The following NELFA variants were observed in gnomAD, a reference collection of about 807,000 sequenced individuals.
NELFA encodes negative elongation factor complex member A.
In NELFA, 35 loss-of-function variants were observed where a neutral mutation model predicts 51.8. That is an observed-to-expected ratio of 0.68 (90% CI 0.52 to 0.90). The LOEUF (loss-of-function observed/expected upper bound fraction) is 0.90. Ranked by LOEUF, NELFA falls within the 40% of genes least tolerant of loss-of-function variation. The pLI is 0.00. For synonymous variants in NELFA, 417 were observed against 338.4 expected (o/e 1.23, Z -2.55); for missense variants, 658 against 746.4 (o/e 0.88, Z 1.38).
rs773192696 is a variant in NELFA at position 1,983,687 on chromosome 4, C to T, written c.1311G>A (p.Gln437=). Residue 437 remains glutamine (Q), a synonymous_variant, in exon 10 of 11, where the codon CAG becomes CAA. Transcript: ENST00000382882. ...TGAACATCTCCTGGGCAGCGAACAT[C>T]TGCTCTCTCTACAGCGGGGAGAGGG... ...PKKNLSLTRE[Q]MFAAQEMFKT... is the part of the protein sequence containing the mutation. 2.5e-6 allele frequency: 4 copies of T among 1,614,018 alleles called. No homozygotes were observed. The highest frequency in any genetic ancestry group is 1.1e-5 in the South Asian group (1 of 91,088).
intron 1 of NELFA, chr4:2,003,805 T>C (rs1728637109): frequency 6.7e-6 from 1 of 149,974 alleles, no homozygotes; most frequent in African/African-American, 2.4e-5. Context: ...CGTATACCTA[T>C]GTAACAAATC....
chr4:1,989,616 C>T lies in NELFA; in HGVS notation c.544+92G>A. Reference sequence around the variant, plus strand: ...CCACCATGCCTGGCCCAGAACGCCACCTTGAAGGGGCAGTCTTGGTACCTT... The same window carrying T: ...CCACCATGCCTGGCCCAGAACGCCATCTTGAAGGGGCAGTCTTGGTACCTT... On this transcript the variant is annotated intron_variant, in intron 3 of 10. Coordinates refer to ENST00000382882, the MANE Select transcript of NELFA (RefSeq NM_005663.5). This position sits in a 1 kb window ranked among gnomAD's most constrained non-coding sequence, Gnocchi z 4.8. 2 of 1,414,882 alleles carry T rather than the reference C, an allele frequency of 1.4e-6. No homozygotes were observed. Among genetic ancestry groups the T allele is most frequent in the Non-Finnish European group, 1.9e-6 (2 of 1,047,908 alleles). The allele number at this position is 1,414,882 out of a possible 1,614,324, so 87.6% of individuals were successfully genotyped here.
chr4:1,984,967 G>A, intron 7 of NELFA, 48 bp from the exon 8 acceptor site: 1 of 1,402,280 alleles, frequency 7.1e-7, no homozygotes, highest in Non-Finnish European at 9.8e-7. Context: ...CATGCTTCCG[G>A]CATGTGCTAA....
At position 1,982,751 on chromosome 4, in the gene NELFA, T is replaced by TAAAACTA. The variant is rs1727922242; in HGVS notation, c.*567_*568insTAGTTTT. The TAAAACTA allele has an allele frequency of 6.6e-6, 1 of 152,412 alleles. No individual in the cohort carries two copies. 9.4% of individuals were successfully genotyped at this position (152,412 alleles called of 1,614,324 possible). A position where few individuals can be genotyped will look rare whatever the true frequency, so the allele number is the denominator to read the frequency against. ...CTTTAGAAAAGCTCGACTTTAATGG[T>TAAAACTA]TCAGATAGTTTTACAATGAAAATAG... is the stretch of plus-strand genomic sequence containing the variant. On this transcript the variant is annotated 3_prime_UTR_variant, in exon 11 of 11. Transcript: ENST00000382882.
chr4:1,987,904 G>C lies in NELFA; in HGVS notation c.634+14C>G, dbSNP rs778298707. 3 of 1,594,730 alleles carry C rather than the reference G, an allele frequency of 1.9e-6. No homozygotes were observed. The highest frequency in any genetic ancestry group is 1.7e-6 in the Non-Finnish European group (2 of 1,171,564). On this transcript the variant is annotated intron_variant, in intron 4 of 10. Transcript: ENST00000382882. Reference sequence around the variant, plus strand: ...CCAAAAGCAAGGCTCACGGCACCAGGGTGGGGGCCTTACTGGTGGTGTCCA... The same window carrying C: ...CCAAAAGCAAGGCTCACGGCACCAGCGTGGGGGCCTTACTGGTGGTGTCCA...
Position 1,983,618 on chromosome 4 carries a change from C to T in NELFA, c.1380G>A (p.Leu460=), listed in dbSNP as rs762789080. Residue 460 remains leucine (L), a synonymous_variant, in exon 10 of 11, where the codon CTG becomes CTA. Transcript: ENST00000382882. The stretch of plus-strand genomic sequence containing the variant: ...TACCTCGGGAGCCGGCCATGAAGCC[C>T]AGGATGAGGGCCTTCTCGGGCCGCG... ...KVTRPEKALI[L]GFMAGSRENP... is the part of the protein sequence containing the mutation. The T allele has an allele frequency of 1.2e-5, 19 of 1,613,996 alleles. No homozygotes were observed. The highest frequency in any genetic ancestry group is 1.4e-5 in the Non-Finnish European group (16 of 1,180,022).
At chr4:2,008,610 G>C in intron 1 of NELFA, 140 bp downstream of exon 1, 1 of 957,860 alleles carries the variant, frequency 1.0e-6, no homozygotes, top group South Asian at 1.6e-5. Flanking sequence ...GGGGGCGTGA[G>C]GGCGGGCCGG....
chr4:1,991,732 T>C lies in NELFA; in HGVS notation c.211-17A>G. On this transcript the variant is annotated splice_polypyrimidine_tract_variant and intron_variant, in intron 1 of 10. Coordinates refer to ENST00000382882, the MANE Select transcript of NELFA (RefSeq NM_005663.5). ...GCCCTTCATCTGCAAAATAGGATGC[T>C]GCCGGCGCCACCATGCCCCTGCCCA... 1 of 1,572,186 alleles carries C rather than the reference T, an allele frequency of 6.4e-7. No individual in the cohort carries two copies. The highest frequency in any genetic ancestry group is 8.6e-7 in the Non-Finnish European group (1 of 1,160,140).
intron 2 of NELFA, among the ~76,000 whole-genome samples, chr4:1,990,780 T>C (rs1728248283): frequency 1.3e-5 from 2 of 152,198 alleles, no homozygotes; most frequent in South Asian, 2.1e-4. Context: ...CATCAAGACA[T>C]GTTCTTCAAA....
At position 1,984,833 on chromosome 4, in the gene NELFA, G is replaced by T; in HGVS notation, c.1011C>A (p.Tyr337Ter). The T allele has an allele frequency of 6.4e-7, 1 of 1,570,232 alleles. No homozygotes were observed. The highest frequency in any genetic ancestry group is 2.3e-5 in the East Asian group (1 of 42,670). Reference sequence around the variant, plus strand: ...CTGGGGGCGTCTCGGAGCTGGGGATGTAGGAGGAGGCGGGAACCACGCTGG... The same window carrying T: ...CTGGGGGCGTCTCGGAGCTGGGGATTTAGGAGGAGGCGGGAACCACGCTGG... ...STPSVVPASS[Y>*]IPSSETPPAP... Residue 337 changes from tyrosine (Y) to a stop codon, truncating the protein, a stop_gained, in exon 8 of 11, where the codon TAC becomes TAA. Transcript: ENST00000382882. LOFTEE classifies it high-confidence loss of function.
chr4:2,006,653 C>T (rs1288183881), intron 1 of NELFA, among the ~76,000 whole-genome samples: 1 of 151,156 alleles, frequency 6.6e-6, no homozygotes, highest in Non-Finnish European at 1.5e-5. Context: ...GCATCAGTCC[C>T]AGCTACTACA....
At chr4:2,002,131 C>G (rs1347687452) in intron 1 of NELFA, among the ~76,000 whole-genome samples, 2 of 151,676 alleles carry the variant, frequency 1.3e-5, no homozygotes, top group African/African-American at 4.9e-5. Context: ...ACCCGGGAGG[C>G]GGAGCTTGCA....
chr4:1,998,404 T>A (rs1214629431), intron 1 of NELFA, among the ~76,000 whole-genome samples: 7 of 151,344 alleles, frequency 4.6e-5, no homozygotes, highest in East Asian at 1.9e-4. Context: ...AGAACCTTGA[T>A]AAAAGGTCAG....
intron 1 of NELFA, among the ~76,000 whole-genome samples, chr4:2,004,759 AT>A (rs1728665120): frequency 6.7e-6 from 1 of 149,420 alleles, no homozygotes; most frequent in South Asian, 2.1e-4. Context: ...AAGTGCTGAG[AT>A]TACAGGCATG....
At chr4:1,994,216 G>C (rs1421383421) in intron 1 of NELFA, among the ~76,000 whole-genome samples, 2 of 151,960 alleles carry the variant, frequency 1.3e-5, no homozygotes, top group Non-Finnish European at 2.9e-5. Context: ...AGTGAACAAA[G>C]ATGGCACTAC....
At chr4:2,008,172 T>C in intron 1 of NELFA, 1 of 386,478 alleles carries the variant, frequency 2.6e-6, no homozygotes, top group Non-Finnish European at 5.1e-6. Flanking sequence ...CAGGGCTGCG[T>C]CCCCGACGGG....
At chr4:2,003,645 G>T (rs186744396) in intron 1 of NELFA, among the ~76,000 whole-genome samples, 23 of 152,208 alleles carry the variant, frequency 1.5e-4, no homozygotes, top group South Asian at 1.2e-3. Flanking sequence ...ACCAAACATT[G>T]CATGTTCTCA....
At chr4:1,996,393 G>A (rs1364345198) in intron 1 of NELFA, among the ~76,000 whole-genome samples, 1 of 152,142 alleles carries the variant, frequency 6.6e-6, no homozygotes, top group Admixed American at 6.5e-5. Context: ...GAGAATTTAT[G>A]GACATACGCA....
chr4:2,008,044 G>A (rs554140846), intron 1 of NELFA: 45 of 456,892 alleles, frequency 9.8e-5, no homozygotes, highest in African/African-American at 8.8e-4. Flanking sequence ...GGACGGCCGG[G>A]GTCTTTGCGA....
Sources: allele counts gnomAD v4.1 joint callset (sites outside exome capture counted in the v4.1 genomes callset), GRCh38; gene constraint gnomAD v4.1.1; non-coding constraint Gnocchi (gnomAD v3.1); transcripts MANE v1.5; gene names NCBI Gene and HGNC (gene_info 2026-07-23, HGNC 2026-07-21).